The following FSIP1 variants were observed in gnomAD, a reference collection of about 807,000 sequenced individuals.
The protein encoded by FSIP1 is fibrous sheath-interacting protein 1.
Under a neutral mutation model 60.9 loss-of-function variants are expected in FSIP1, and 65 were observed. The ratio of observed to expected loss-of-function variants is 1.07; its 90% CI spans 0.87 to 1.31. The LOEUF is 1.31. Among genes scored for constraint, FSIP1 ranks in the 40% most tolerant of loss-of-function variants. The pLI is 0.00. For synonymous variants in FSIP1, 209 were observed against 221.2 expected, an observed-to-expected ratio of 0.94 and a Z score of 0.49; for missense variants, 675 against 665.5, an observed-to-expected ratio of 1.01 and a Z score of -0.16.
rs748300509 is a variant in FSIP1, at chr15:39,676,365, C to T, written c.1188+37079G>A. Among the ~76,000 whole-genome samples the T allele has an allele frequency of 5.3e-5, 8 of 152,232 alleles. No homozygotes were observed. In the South Asian group the frequency reaches 8.3e-4, roughly 16 times the overall value. The stretch of plus-strand genomic sequence containing the variant: ...CCATTTTTGAGTGAATAAGGTCATA[C>T]ATTTGCTTAAAGATAATTTTTGGGC... On this transcript the variant is annotated intron_variant, in intron 10 of 11. Coordinates refer to ENST00000350221, the MANE Select transcript of FSIP1 (RefSeq NM_152597.5).
chr15:39,619,548 A>G (rs531786632), intron 10 of FSIP1, among the ~76,000 whole-genome samples: 1 of 152,320 alleles, frequency 6.6e-6, no homozygotes, highest in South Asian at 2.1e-4. Context: ...AAGAAATAGG[A>G]TTAGAATTAT....
intron 3 of FSIP1, among the ~76,000 whole-genome samples, chr15:39,767,632 C>T (rs1249911434): frequency 6.6e-6 from 1 of 152,240 alleles, no homozygotes; most frequent in Non-Finnish European, 1.5e-5. Context: ...GTACAAGACA[C>T]AAGTGGCTGG....
chr15:39,735,033 T>C (rs1042065308), intron 8 of FSIP1, among the ~76,000 whole-genome samples: 2 of 152,232 alleles, frequency 1.3e-5, no homozygotes, highest in African/African-American at 2.4e-5. Flanking sequence ...CAAGAAAATC[T>C]ATCGCCATAG....
chr15:39,741,950 A>G (rs906777646), intron 5 of FSIP1, 50 bp from the exon 6 acceptor site: 9 of 959,626 alleles, frequency 9.4e-6, no homozygotes, highest in Non-Finnish European at 1.5e-5. Context: ...TAAATTAAGT[A>G]GTTGTCTACA....
At chr15:39,601,058 T>TC (rs1445794059) in intron 11 of FSIP1, 132 bp from the exon 12 acceptor site, 25 of 639,184 alleles carry the variant, frequency 3.9e-5, no homozygotes, top group Non-Finnish European at 5.8e-5. Context: ...ATTTAATACT[T>TC]ACTGAACAGT....
chr15:39,770,274 G>C (rs1198096028), intron 3 of FSIP1, among the ~76,000 whole-genome samples, 153 bp downstream of exon 3: 1 of 152,022 alleles, frequency 6.6e-6, no homozygotes, highest in Non-Finnish European at 1.5e-5. Flanking sequence ...AAAAGTGATT[G>C]CTTGCTCACA....
At chr15:39,748,318 G>A (rs1897060761) in intron 5 of FSIP1, among the ~76,000 whole-genome samples, 1 of 152,074 alleles carries the variant, frequency 6.6e-6, no homozygotes, top group Non-Finnish European at 1.5e-5. Flanking sequence ...AAGTAATAAG[G>A]ACATTTTGCA....
chr15:39,602,904 A>G (rs1890692106), intron 11 of FSIP1, among the ~76,000 whole-genome samples: 1 of 152,202 alleles, frequency 6.6e-6, no homozygotes, highest in Non-Finnish European at 1.5e-5. Context: ...CAATAGAACT[A>G]GATTGAGTAA....
intron 10 of FSIP1, among the ~76,000 whole-genome samples, chr15:39,681,323 G>A (rs1015322602): frequency 6.6e-6 from 1 of 151,920 alleles, no homozygotes; most frequent in African/African-American, 2.4e-5. Flanking sequence ...AGCAGGAGGA[G>A]ATTATAGAGG....
chr15:39,687,122 C>CT (rs1555392616), intron 10 of FSIP1, among the ~76,000 whole-genome samples: 3 of 84,840 alleles, frequency 3.5e-5, no homozygotes, highest in African/African-American at 1.4e-4. Context: ...ACCTTTCTTT[C>CT]TTTCTTTTCT....
intron 8 of FSIP1, among the ~76,000 whole-genome samples, chr15:39,734,533 T>A (rs987297035): frequency 4.6e-5 from 7 of 152,054 alleles, no homozygotes; most frequent in African/African-American, 1.4e-4. Flanking sequence ...ACAAGGGAAA[T>A]GAAAGTACAC....
rs1287042448 is a variant in FSIP1 at position 39,751,272 on chromosome 15, G to T, written c.560-9372C>A. Among the ~76,000 whole-genome samples the T allele has an allele frequency of 4.6e-5, 7 of 151,848 alleles. 1 individual carries two copies. In the South Asian group the frequency reaches 1.5e-3, roughly 32 times the overall value. ...TATGACTCAGCAATTCCTCTTCTGG[G>T]TATAAACGCAAAGAAAATGAAATCA... On this transcript the variant is annotated intron_variant, in intron 5 of 11. Transcript: ENST00000350221.
In FSIP1 at chr15:39,722,404, CCT is replaced by C. The variant is rs548072908; in HGVS notation, c.1050+4183_1050+4184del. The stretch of plus-strand genomic sequence containing the variant: ...GTTTGAATCATCCCAAAACCATCCC[CCT>C]CTCTGGGCCCGTGGAAGAATTGTCT... On this transcript the variant is annotated intron_variant, in intron 9 of 11. Transcript: ENST00000350221. Among the ~76,000 whole-genome samples the C allele has an allele frequency of 5.3e-3, 810 of 152,202 alleles. 4 individuals are homozygous for C. Among genetic ancestry groups the C allele is most frequent in the African/African-American group, 0.019 (771 of 41,504 alleles).
chr15:39,738,112 ATC>A lies in FSIP1; in HGVS notation c.868_869del (p.Asp290PhefsTer7). The part of the protein sequence containing the change: ...VELLKDLDEK[D>X]SGLSSSEGDQ... ...GTACCTCAGAACTGGAGAGCCCGGA[ATC>A]TTTCTCATCCAAGTCCTTCAAAAGC... On this transcript the variant is annotated frameshift_variant, in exon 8 of 12. Coordinates refer to ENST00000350221, the MANE Select transcript of FSIP1 (RefSeq NM_152597.5). LOFTEE classifies it high-confidence loss of function. The A allele has an allele frequency of 1.2e-6, 2 of 1,611,722 alleles. No individual in the cohort carries two copies. Among genetic ancestry groups the A allele is most frequent in the Non-Finnish European group, 1.7e-6 (2 of 1,178,324 alleles).
chr15:39,761,571 G>A (rs1897500522), intron 5 of FSIP1, among the ~76,000 whole-genome samples: 1 of 152,138 alleles, frequency 6.6e-6, no homozygotes, highest in Non-Finnish European at 1.5e-5. Context: ...GCTGGAGGAT[G>A]GGAAAATGAG....
intron 6 of FSIP1, among the ~76,000 whole-genome samples, chr15:39,740,365 A>G (rs1896763877): frequency 6.6e-6 from 1 of 152,218 alleles, no homozygotes; most frequent in Non-Finnish European, 1.5e-5. Context: ...GCTTGAGTCA[A>G]TGTCTGAGAT....
chr15:39,732,806 CAG>C (rs1896460882), intron 8 of FSIP1, among the ~76,000 whole-genome samples: 1 of 152,064 alleles, frequency 6.6e-6, no homozygotes, highest in Non-Finnish European at 1.5e-5. Flanking sequence ...TTTGAAAACA[CAG>C]AGATTTAAAA....
intron 11 of FSIP1, among the ~76,000 whole-genome samples, chr15:39,615,414 C>CAA (rs576946264): frequency 2.7e-4 from 14 of 51,692 alleles, no homozygotes; most frequent in African/African-American, 4.1e-4. Context: ...AACTCAATAG[C>CAA]AAAAAAAAAA....
At chr15:39,766,851 T>C (rs932809011) in intron 3 of FSIP1, among the ~76,000 whole-genome samples, 2 of 152,184 alleles carry the variant, frequency 1.3e-5, no homozygotes, top group African/African-American at 2.4e-5. Context: ...TCTTCTTCTT[T>C]TTTTAAGAGA....
Sources: allele counts gnomAD v4.1 joint callset (sites outside exome capture counted in the v4.1 genomes callset), GRCh38; gene constraint gnomAD v4.1.1; transcripts MANE v1.5; gene names NCBI Gene and HGNC (gene_info 2026-07-23, HGNC 2026-07-21).